Variants in ZMAT5 observed in about 807,000 individuals in gnomAD.
The protein encoded by ZMAT5 is zinc finger matrin-type 5, also known as zinc finger matrin-type protein 5.
Under a neutral mutation model 28.0 loss-of-function variants are expected in ZMAT5, and 23 were observed. The ratio of observed to expected loss-of-function variants is 0.82; its 90% CI spans 0.59 to 1.16. The LOEUF (loss-of-function observed/expected upper bound fraction) is 1.16, where lower values mean the gene tolerates loss of function less well. Among genes scored for constraint, ZMAT5 ranks in the 50% most tolerant of loss-of-function variants. The pLI is 0.00. For synonymous variants in ZMAT5, 76 were observed against 84.1 expected, an observed-to-expected ratio of 0.90 and a Z score of 0.52; for missense variants, 173 against 212.7, an observed-to-expected ratio of 0.81 and a Z score of 1.16.
intron 5 of ZMAT5, among the ~76,000 whole-genome samples, chr22:29,736,338 C>G (rs1569334611): frequency 6.6e-6 from 1 of 152,230 alleles, no homozygotes; most frequent in South Asian, 2.1e-4. Flanking sequence ...ACGTTTGAGT[C>G]ATGTCTGTAC....
At chr22:29,761,001 A>G (rs2068151485) in intron 1 of ZMAT5, among the ~76,000 whole-genome samples, 1 of 152,184 alleles carries the variant, frequency 6.6e-6, no homozygotes. Flanking sequence ...TTGGCCAGGC[A>G]CGGTGGCTCA....
intron 5 of ZMAT5, 55 bp downstream of exon 5, chr22:29,738,275 G>A (rs1569335216): frequency 6.6e-7 from 1 of 1,504,168 alleles, no homozygotes; most frequent in Non-Finnish European, 9.2e-7. Context: ...GGGGAAGGCG[G>A]GCTGGGGTTT....
At position 29,748,434 on chromosome 22, in the gene ZMAT5, C is replaced by T; in HGVS notation, c.111G>A (p.Trp37Ter). The change falls in exon 2 of 6, where the codon TGG becomes TGA. Residue 37 changes from tryptophan (W) to a stop codon, truncating the protein, a stop_gained. Transcript: ENST00000344318. LOFTEE classifies it high-confidence loss of function. ...GLQHLKAKKVWYDMFRDAAAI... is the reference protein window; with the variant it reads ...GLQHLKAKKV ...GGCACCCACCTCGGAACATGTCGTA[C>T]CAGACCTTCTTGGCCTTGAGGTGCT... The T allele has an allele frequency of 6.2e-7, 1 of 1,614,252 alleles. No individual in the cohort carries two copies. The highest frequency in any genetic ancestry group is 8.5e-7 in the Non-Finnish European group (1 of 1,180,038).
intron 5 of ZMAT5, among the ~76,000 whole-genome samples, chr22:29,736,948 AC>A (rs1788588673): frequency 6.7e-6 from 1 of 149,438 alleles, no homozygotes; most frequent in African/African-American, 2.5e-5. Context: ...AATGGCGTGA[AC>A]CCCAAGAGGT....
Position 29,742,415 on chromosome 22 carries a change from T to C in ZMAT5, c.190+3A>G, listed in dbSNP as rs377202346. 1.2e-6 allele frequency: 2 copies of C among 1,612,988 alleles called. No homozygotes were observed. The highest frequency in any genetic ancestry group is 2.2e-5 in the East Asian group (1 of 44,876). On this transcript the variant is annotated splice_donor_region_variant and intron_variant, in intron 3 of 5. Coordinates refer to ENST00000344318, the MANE Select transcript of ZMAT5 (RefSeq NM_001003692.2). ...GGGACCTGAGCTGTGCAGAGGACTT[T>C]ACCTGTCAGTAGAAACTTCCTGCAG...
At chr22:29,731,615 G>C in intron 5 of ZMAT5, 1 of 444,028 alleles carries the variant, frequency 2.3e-6, no homozygotes, top group African/African-American at 2.1e-5. Flanking sequence ...GTCCACCTGT[G>C]GGGGACTGAT....
intron 1 of ZMAT5, among the ~76,000 whole-genome samples, chr22:29,756,416 A>C (rs572504930): frequency 3.5e-4 from 53 of 152,110 alleles, no homozygotes; most frequent in Non-Finnish European, 6.6e-4. Flanking sequence ...CATCCTTGAG[A>C]TCCTTGGGTG....
intron 1 of ZMAT5, among the ~76,000 whole-genome samples, chr22:29,757,549 C>CA (rs1241436693): frequency 2.0e-5 from 3 of 152,218 alleles, no homozygotes; most frequent in Non-Finnish European, 4.4e-5. Flanking sequence ...CCTGGCACGC[C>CA]AATGGTGCTT....
At chr22:29,753,231 A>G (rs1441667043) in intron 1 of ZMAT5, among the ~76,000 whole-genome samples, 1 of 152,248 alleles carries the variant, frequency 6.6e-6, no homozygotes, top group Non-Finnish European at 1.5e-5. Flanking sequence ...AAACTGGGAT[A>G]ATAACAGTGT....
At chr22:29,763,248 G>A (rs1242126118) in intron 1 of ZMAT5, among the ~76,000 whole-genome samples, 2 of 150,872 alleles carry the variant, frequency 1.3e-5, no homozygotes, top group Non-Finnish European at 3.0e-5. Flanking sequence ...AGCTGAGATT[G>A]CACCACTGCA....
chr22:29,740,803 G>T, intron 3 of ZMAT5, 73 bp from the exon 4 acceptor site: 1 of 1,387,906 alleles, frequency 7.2e-7, no homozygotes, highest in South Asian at 1.2e-5. Context: ...GCCCAGATGA[G>T]GGATCCCAGA....
At chr22:29,751,483 C>T (rs1041066115) in intron 1 of ZMAT5, among the ~76,000 whole-genome samples, 3 of 152,190 alleles carry the variant, frequency 2.0e-5, no homozygotes, top group Non-Finnish European at 2.9e-5. Flanking sequence ...ATACCTACTA[C>T]GTGCTGGCAC....
chr22:29,758,514 T>C (rs932786244), intron 1 of ZMAT5, among the ~76,000 whole-genome samples: 2 of 152,002 alleles, frequency 1.3e-5, no homozygotes, highest in African/African-American at 4.8e-5. Flanking sequence ...TTCCAGCTAC[T>C]TGGGGGGCTG....
intron 1 of ZMAT5, among the ~76,000 whole-genome samples, chr22:29,760,665 G>A (rs2068148985): frequency 6.6e-6 from 1 of 152,172 alleles, no homozygotes; most frequent in East Asian, 1.9e-4. Context: ...AAAGCCTGGA[G>A]GAATGAACTT....
chr22:29,766,097 T>C (rs1031277793), intron 1 of ZMAT5, among the ~76,000 whole-genome samples: 1 of 152,204 alleles, frequency 6.6e-6, no homozygotes, highest in Non-Finnish European at 1.5e-5. Context: ...GAAGATTGCT[T>C]GAGCCCAGGA....
intron 5 of ZMAT5, among the ~76,000 whole-genome samples, chr22:29,737,951 G>A (rs955959055): frequency 6.6e-6 from 1 of 151,992 alleles, no homozygotes; most frequent in Non-Finnish European, 1.5e-5. Flanking sequence ...CCTCGGGCAA[G>A]TCGCACCCTC....
intron 1 of ZMAT5, among the ~76,000 whole-genome samples, chr22:29,752,667 G>A (rs1389595367): frequency 6.6e-6 from 1 of 152,204 alleles, no homozygotes. Flanking sequence ...GGCCTCTCTG[G>A]TTCTAATATC....
At chr22:29,741,682 C>A (rs147372634) in intron 3 of ZMAT5, among the ~76,000 whole-genome samples, 2 of 152,196 alleles carry the variant, frequency 1.3e-5, no homozygotes, top group Non-Finnish European at 1.5e-5. Context: ...AGGGTCCTCA[C>A]TCTGTTGCCC....
chr22:29,765,830 T>C (rs2068204580), intron 1 of ZMAT5, among the ~76,000 whole-genome samples: 1 of 152,150 alleles, frequency 6.6e-6, no homozygotes, highest in South Asian at 2.1e-4. Flanking sequence ...ATAGCACCAC[T>C]ACACTCCAGT....
Sources: gnomAD v4.1 joint callset for allele counts (sites outside exome capture counted in the v4.1 genomes callset) on GRCh38, gnomAD v4.1.1 for gene constraint, MANE v1.5 for transcripts, NCBI Gene and HGNC (gene_info 2026-07-23, HGNC 2026-07-21) for gene names.